ITPKB: variants seen among roughly 807,000 people sequenced by gnomAD.
The protein encoded by ITPKB is inositol-trisphosphate 3-kinase B, also known as IP3 3-kinase B.
A neutral mutation model predicts 69.4 loss-of-function variants in ITPKB; 13 were observed. The observed-to-expected ratio is 0.19, with a 90% confidence interval of 0.12 to 0.30. ITPKB has a LOEUF of 0.30. Among genes scored for constraint, ITPKB ranks in the 10% least tolerant of loss-of-function variants. The probability of loss-of-function intolerance (pLI) is 1.00; values close to 1 mark genes in which losing one functional copy is unlikely to be tolerated. For synonymous variants in ITPKB, 584 were observed against 513.7 expected (o/e 1.14, Z -1.85); for missense variants, 1,240 against 1,250.5 (o/e 0.99, Z 0.13).
intron 2 of ITPKB, among the ~76,000 whole-genome samples, chr1:226,732,234 G>C (rs1445191131): frequency 6.6e-6 from 1 of 151,400 alleles, no homozygotes; most frequent in Non-Finnish European, 1.5e-5. Flanking sequence ...AGTGTTTTTT[G>C]TTTTTGTTTT....
At chr1:226,636,111 T>C (rs1255461049) in intron 7 of ITPKB, among the ~76,000 whole-genome samples, 1 of 151,904 alleles carries the variant, frequency 6.6e-6, no homozygotes, top group East Asian at 1.9e-4. Flanking sequence ...AAAGCAGAAG[T>C]GTTGAAGAAG....
In ITPKB at chr1:226,738,851, C is replaced by A. The variant is rs1389775645; in HGVS notation, c.-206+190G>T. 1.3e-5 allele frequency among the ~76,000 whole-genome samples: 2 copies of A among 152,158 alleles called. No individual in the cohort carries two copies. The highest frequency in any genetic ancestry group is 4.8e-5 in the African/African-American group (2 of 41,452). ...GCGGGTAGGAGAAATGCGGAGACCT[C>A]GTCTCTCCCTATTTTCTCCCCACCG... On this transcript the variant is annotated intron_variant, in intron 1 of 7. Transcript: ENST00000429204. The surrounding 1 kb of genome is among the most constrained non-coding windows in gnomAD (Gnocchi z 4.2).
chr1:226,636,752 C>CTGTGTGTGTGTGTGTGTGTG (rs3831353), intron 7 of ITPKB, among the ~76,000 whole-genome samples: 3 of 140,088 alleles, frequency 2.1e-5, no homozygotes, highest in South Asian at 4.7e-4. Flanking sequence ...GACTGCAGCT[C>CTGTGTGTGTGTGTGTGTGTG]TGTGTGTGTG....
In ITPKB at chr1:226,737,556, C is replaced by T. The variant is rs921524161; in HGVS notation, c.-98G>A. 1.6e-6 allele frequency: 2 copies of T among 1,229,368 alleles called. No individual in the cohort carries two copies. The highest frequency in any genetic ancestry group is 4.4e-5 in the Admixed American group (1 of 22,786). 76.2% of individuals were successfully genotyped at this position (1,229,368 alleles called of 1,614,324 possible). ...CGCTCCCGGCTCAGCCCCGGAGGCC[C>T]GGCAGCCGCGGCTCCGCGCGCAGAT... On this transcript the variant is annotated 5_prime_UTR_variant, in exon 2 of 8. Coordinates refer to ENST00000429204, the MANE Select transcript of ITPKB (RefSeq NM_002221.4).
chr1:226,738,845 A>T lies in ITPKB; in HGVS notation c.-206+196T>A, dbSNP rs953750007. On this transcript the variant is annotated intron_variant, in intron 1 of 7. Coordinates refer to ENST00000429204, the MANE Select transcript of ITPKB (RefSeq NM_002221.4). This position sits in a 1 kb window ranked among gnomAD's most constrained non-coding sequence, Gnocchi z 4.2. ...CGGAAGGCGGGTAGGAGAAATGCGGAGACCTCGTCTCTCCCTATTTTCTCC... is the reference window on the plus strand; with the variant it reads ...CGGAAGGCGGGTAGGAGAAATGCGGTGACCTCGTCTCTCCCTATTTTCTCC... Among the ~76,000 whole-genome samples, 44 of 152,126 alleles carry T rather than the reference A, an allele frequency of 2.9e-4. No individual in the cohort carries two copies. The highest frequency in any genetic ancestry group is 9.9e-4 in the African/African-American group (41 of 41,430).
intron 7 of ITPKB, among the ~76,000 whole-genome samples, chr1:226,635,464 C>A (rs1191307795): frequency 6.6e-6 from 1 of 152,164 alleles, no homozygotes; most frequent in Non-Finnish European, 1.5e-5. Context: ...AAGCTCAAGC[C>A]ATTCTCCTGC....
chr1:226,660,666 G>T (rs577258132), intron 2 of ITPKB, among the ~76,000 whole-genome samples: 133 of 152,010 alleles, frequency 8.7e-4, no homozygotes, highest in Non-Finnish European at 1.3e-3. Context: ...CAGGGGCCTC[G>T]CAGAGCTCAC....
intron 2 of ITPKB, among the ~76,000 whole-genome samples, chr1:226,702,603 A>G (rs1656696411): frequency 6.6e-6 from 1 of 152,216 alleles, no homozygotes. Flanking sequence ...ACAGTAAGGG[A>G]CTAGATTTAA....
chr1:226,661,456 C>G (rs1049777235), intron 2 of ITPKB, among the ~76,000 whole-genome samples: 1 of 152,214 alleles, frequency 6.6e-6, no homozygotes, highest in African/African-American at 2.4e-5. Context: ...CATGTGTAGT[C>G]AGGCAGGCTG....
rs1442536143 is a variant in ITPKB, at chr1:226,736,591, C to T, written c.868G>A (p.Ala290Thr). 6.2e-7 allele frequency: 1 copy of T among 1,613,866 alleles called. No homozygotes were observed. Among genetic ancestry groups the T allele is most frequent in the Non-Finnish European group, 8.5e-7 (1 of 1,180,012 alleles). ...GCTCCGAACAGCCCCAATGAGGGAGCTAGGCAGCTCCGAGTTCCCGGGGTA... is the reference window on the plus strand; with the variant it reads ...GCTCCGAACAGCCCCAATGAGGGAGTTAGGCAGCTCCGAGTTCCCGGGGTA... ...SPTPGTRSCL[A>T]PSLGLFGASL... The change falls in exon 2 of 8, where the codon GCT becomes ACT. Residue 290 changes from alanine to threonine, a missense_variant. Physicochemically the swap from Ala to Thr is moderately conservative, Grantham distance 58. This residue lies in a region of ITPKB where 992 missense variants were observed against 853.8 expected (regional missense o/e 1.16). Coordinates refer to ENST00000429204, the MANE Select transcript of ITPKB (RefSeq NM_002221.4).
chr1:226,723,976 G>T (rs1657325557), intron 2 of ITPKB, among the ~76,000 whole-genome samples: 1 of 152,126 alleles, frequency 6.6e-6, no homozygotes, highest in Admixed American at 6.6e-5. Context: ...AACGTGACTC[G>T]AGCCAATTGG....
At chr1:226,636,750 C>CTGTG (rs1491325492) in intron 7 of ITPKB, among the ~76,000 whole-genome samples, 4 of 121,256 alleles carry the variant, frequency 3.3e-5, no homozygotes, top group Non-Finnish European at 5.2e-5. Flanking sequence ...AGGACTGCAG[C>CTGTG]TCTGTGTGTG....
chr1:226,675,648 C>T (rs1669716462), intron 2 of ITPKB, among the ~76,000 whole-genome samples: 1 of 152,184 alleles, frequency 6.6e-6, no homozygotes. Flanking sequence ...ACCCAACCTT[C>T]CTGCTTCTCG....
intron 2 of ITPKB, among the ~76,000 whole-genome samples, chr1:226,692,619 C>A (rs146025325): frequency 1.7e-3 from 259 of 152,308 alleles, no homozygotes; most frequent in Non-Finnish European, 2.8e-3. Context: ...CTCCAGAGAG[C>A]CTGGCAGTCT....
In ITPKB at chr1:226,736,204, C is replaced by T; in HGVS notation, c.1255G>A (p.Ala419Thr). ...LSWSRLPRAL[A>T]SVGPEEARSG... ...CGGGCCTCCTCAGGGCCTACGGAGG[C>T]CAGGGCCCTGGGCAGCCTGGACCAG... is the stretch of plus-strand genomic sequence containing the variant. Residue 419 changes from alanine to threonine, a missense_variant, in exon 2 of 8, where the codon GCC becomes ACC. Physicochemically the swap from Ala to Thr is moderately conservative, Grantham distance 58. Transcript: ENST00000429204. The T allele has an allele frequency of 6.5e-7, 1 of 1,535,178 alleles. No homozygotes were observed. The highest frequency in any genetic ancestry group is 2.3e-5 in the East Asian group (1 of 44,310).
At position 226,634,856 on chromosome 1, in the gene ITPKB, C is replaced by T. The variant is rs765231627; in HGVS notation, c.2656G>A (p.Asp886Asn). Reference protein sequence around the residue: ...VIGSSLLFIHDKKEQAKVWMI... With the variant: ...VIGSSLLFIHNKKEQAKVWMI... ...CACACTTTGGCCTGTTCCTTCTTGT[C>T]GTGGATGAAGAGGAGGGAGCTGCCA... Residue 886 changes from aspartate (D) to asparagine (N), a missense_variant, in exon 8 of 8, where the codon GAC (aspartate) becomes AAC (asparagine). Physicochemically the swap from Asp to Asn is conservative, Grantham distance 23. Around this residue, in one of 2 missense-constraint regions of ITPKB, gnomAD observed 248 missense variants for 396.7 expected, o/e 0.63. Coordinates refer to ENST00000429204, the MANE Select transcript of ITPKB (RefSeq NM_002221.4). This position sits in a 1 kb window ranked among gnomAD's most constrained non-coding sequence, Gnocchi z 6.3. 3.1e-6 allele frequency: 5 copies of T among 1,613,736 alleles called. No individual in the cohort carries two copies. The highest frequency in any genetic ancestry group is 1.7e-5 in the Admixed American group (1 of 59,962).
rs747092913 is a variant in ITPKB, at chr1:226,736,126, C to T, written c.1333G>A (p.Gly445Arg). The T allele has an allele frequency of 6.3e-7, 1 of 1,591,496 alleles. No individual in the cohort carries two copies. Among genetic ancestry groups the T allele is most frequent in the Non-Finnish European group, 8.6e-7 (1 of 1,167,642 alleles). Residue 445 changes from glycine (G) to arginine (R), a missense_variant, in exon 2 of 8, where the codon GGA becomes AGA. By Grantham distance (125) the Gly-to-Arg change is moderately radical. This residue lies in a region of ITPKB where 992 missense variants were observed against 853.8 expected (regional missense o/e 1.16). Transcript: ENST00000429204. ...AGCAAGCCCAGCGTTGGGGACCCTC[C>T]CTCCACTCTGTCGGAGAGCTGCCAA... ...GRWQLSDRVE[G>R]GSPTLGLLGG...
intron 2 of ITPKB, among the ~76,000 whole-genome samples, chr1:226,655,773 G>A (rs548565355): frequency 7.2e-5 from 11 of 152,134 alleles, no homozygotes; most frequent in Non-Finnish European, 1.3e-4. Flanking sequence ...GCCAATTCCC[G>A]CCCCTCCAAA....
At position 226,642,016 on chromosome 1, in the gene ITPKB, T is replaced by C. The variant is rs771533128; in HGVS notation, c.2356A>G (p.Lys786Glu). Residue 786 changes from lysine (K) to glutamate (E), a missense_variant, in exon 5 of 8, where the codon AAA (lysine) becomes GAA (glutamate). Physicochemically the swap from Lys to Glu is moderately conservative, Grantham distance 56. Coordinates refer to ENST00000429204, the MANE Select transcript of ITPKB (RefSeq NM_002221.4). This position sits in a 1 kb window ranked among gnomAD's most constrained non-coding sequence, Gnocchi z 6.4. ...VDPEAPTEEE[K>E]AQRAVTKPRY... ...GGCTTGGTCACAGCCCGCTGTGCTT[T>C]TTCCTCCTCGGTGGGGGCCTCGGGG... The C allele has an allele frequency of 1.2e-6, 2 of 1,614,210 alleles. No homozygotes were observed. Among genetic ancestry groups the C allele is most frequent in the African/African-American group, 1.3e-5 (1 of 75,068 alleles).
Sources: allele counts gnomAD v4.1 joint callset (sites outside exome capture counted in the v4.1 genomes callset), GRCh38; gene constraint gnomAD v4.1.1; regional missense constraint gnomAD v4.1.1; non-coding constraint Gnocchi (gnomAD v3.1); transcripts MANE v1.5; gene names NCBI Gene and HGNC (gene_info 2026-07-23, HGNC 2026-07-21).